NSD2: variants seen among roughly 807,000 people sequenced by gnomAD.
The protein encoded by NSD2 is nuclear receptor binding SET domain protein 2, also known as histone-lysine N-methyltransferase NSD2.
NSD2 carries 12 observed loss-of-function variants against 139.0 expected under a neutral mutation model. The observed-to-expected ratio is 0.09, with a 90% confidence interval of 0.06 to 0.14. NSD2 has a LOEUF of 0.14. NSD2 is among the 10% of genes least tolerant of loss of function. The pLI, the probability that NSD2 is intolerant of heterozygous loss-of-function variation, is 1.00. For synonymous variants in NSD2, 669 were observed against 648.7 expected (o/e 1.03, Z -0.48); for missense variants, 1,155 against 1,745.0 (o/e 0.66, Z 6.02).
intron 15 of NSD2, among the ~76,000 whole-genome samples, chr4:1,957,464 T>C (rs1455234510): frequency 1.3e-5 from 2 of 151,384 alleles, no homozygotes; most frequent in Non-Finnish European, 3.0e-5. Context: ...TTTTTTTTTT[T>C]TTTGTAGAGA....
At chr4:1,877,420 A>T (rs1273202159) in intron 1 of NSD2, among the ~76,000 whole-genome samples, 5 of 152,104 alleles carry the variant, frequency 3.3e-5, no homozygotes. Flanking sequence ...CTCTCACTGC[A>T]CTACTTGTTT....
chr4:1,914,264 C>T (rs1014742259), intron 3 of NSD2, among the ~76,000 whole-genome samples: 2 of 152,106 alleles, frequency 1.3e-5, no homozygotes, highest in African/African-American at 4.8e-5. Flanking sequence ...CTCAAGTATT[C>T]TACCCGCCTT....
chr4:1,896,706 C>A (rs1034187191), intron 1 of NSD2, among the ~76,000 whole-genome samples: 5 of 147,734 alleles, frequency 3.4e-5, no homozygotes, highest in African/African-American at 5.2e-5. Flanking sequence ...TCTTCCATTC[C>A]TCTCCTTCCT....
chr4:1,929,034 A>G (rs968044023), intron 5 of NSD2, among the ~76,000 whole-genome samples: 5 of 151,876 alleles, frequency 3.3e-5, no homozygotes, highest in Non-Finnish European at 7.4e-5. Flanking sequence ...TCAGAGCCAG[A>G]CCCAGAACTG....
At chr4:1,887,299 A>G (rs1436601246) in intron 1 of NSD2, among the ~76,000 whole-genome samples, 7 of 151,978 alleles carry the variant, frequency 4.6e-5, no homozygotes, top group African/African-American at 1.5e-4. Flanking sequence ...CTGTAGTGAG[A>G]ACTGTCATCA....
intron 1 of NSD2, among the ~76,000 whole-genome samples, chr4:1,889,192 C>T (rs1715347067): frequency 6.6e-6 from 1 of 152,064 alleles, no homozygotes; most frequent in East Asian, 1.9e-4. Flanking sequence ...GCCACTGCGC[C>T]CAGTCGTATA....
At chr4:1,932,282 C>CA (rs1395953815) in intron 6 of NSD2, among the ~76,000 whole-genome samples, 2 of 151,050 alleles carry the variant, frequency 1.3e-5, no homozygotes, top group Non-Finnish European at 3.0e-5. Context: ...ACTAAAAATA[C>CA]AAAAAAATTA....
At chr4:1,966,650 CTG>C (rs1218479917) in intron 18 of NSD2, among the ~76,000 whole-genome samples, 1 of 142,236 alleles carries the variant, frequency 7.0e-6, no homozygotes, top group Non-Finnish European at 1.5e-5. Flanking sequence ...GAGCAAGACT[CTG>C]TCTCAAAAAA....
At chr4:1,879,337 G>A (rs1451392863) in intron 1 of NSD2, among the ~76,000 whole-genome samples, 1 of 152,004 alleles carries the variant, frequency 6.6e-6, no homozygotes, top group Non-Finnish European at 1.5e-5. Flanking sequence ...TCCTGCCTCA[G>A]CCTCCCAAGT....
chr4:1,925,762 C>A (rs185646567), intron 5 of NSD2, among the ~76,000 whole-genome samples: 1,533 of 147,766 alleles, frequency 0.01, 28 homozygotes, highest in African/African-American at 0.039. Flanking sequence ...TTTTATATAT[C>A]TATATATATA....
chr4:1,942,047 C>G lies in NSD2; in HGVS notation c.1881+2269C>G. 1.7e-6 allele frequency: 2 copies of G among 1,156,232 alleles called. No individual in the cohort carries two copies. Among genetic ancestry groups the G allele is most frequent in the Non-Finnish European group, 2.1e-6 (2 of 933,856 alleles). The allele number at this position is 1,156,232 out of a possible 1,614,324, so 71.6% of individuals were successfully genotyped here. A position where few individuals can be genotyped will look rare whatever the true frequency, so the allele number is the denominator to read the frequency against. ...TTGCATGTTTGTATTTCCTCCCTTT[C>G]ATCACATTTGTTTGAAATAAGGTAC... On this transcript the variant is annotated intron_variant, in intron 9 of 21. Transcript: ENST00000508803. The surrounding 1 kb of genome is among the most constrained non-coding windows in gnomAD (Gnocchi z 4.0).
chr4:1,942,927 C>G lies in NSD2; in HGVS notation c.1881+3149C>G. On this transcript the variant is annotated intron_variant, in intron 9 of 21. Coordinates refer to ENST00000508803, the MANE Select transcript of NSD2 (RefSeq NM_001042424.3). The surrounding 1 kb of genome is among the most constrained non-coding windows in gnomAD (Gnocchi z 4.0). The stretch of plus-strand genomic sequence containing the variant: ...AGGCAGGAAGAGTTTTGATTCTATC[C>G]TTTTTTACTAAACAGTTTTATTATG... The G allele has an allele frequency of 1.8e-5, 19 of 1,055,504 alleles. No individual in the cohort carries two copies. The highest frequency in any genetic ancestry group is 2.2e-5 in the Non-Finnish European group (19 of 873,318). The allele number at this position is 1,055,504 out of a possible 1,614,324, so 65.4% of individuals were successfully genotyped here.
intron 9 of NSD2, chr4:1,940,265 T>G: frequency 9.3e-7 from 1 of 1,075,262 alleles, no homozygotes; most frequent in Non-Finnish European, 1.1e-6. Context: ...TCTCATGCAT[T>G]TCATGGCTTT....
intron 5 of NSD2, among the ~76,000 whole-genome samples, chr4:1,926,273 G>A (rs1292630656): frequency 1.3e-5 from 2 of 150,546 alleles, no homozygotes; most frequent in Non-Finnish European, 2.9e-5. Flanking sequence ...TCCTGACTCA[G>A]CCTCCCGAGT....
Position 1,951,102 on chromosome 4 carries a change from G to T in NSD2, c.1912G>T (p.Glu638Ter). 6.2e-7 allele frequency: 1 copy of T among 1,614,176 alleles called. No homozygotes were observed. The highest frequency in any genetic ancestry group is 1.1e-5 in the South Asian group (1 of 91,082). Residue 638 changes from glutamate to a stop codon, truncating the protein, a stop_gained, in exon 10 of 22, where the codon GAG (glutamate) becomes TAG (stop). Coordinates refer to ENST00000508803, the MANE Select transcript of NSD2 (RefSeq NM_001042424.3). LOFTEE classifies it high-confidence loss of function. ...VSDSPGDEPS[E>*]SPYESADETQ... ...GGACAGCCCGGGAGACGAGCCCTCG[G>T]AGTCCCCATACGAAAGTGCAGACGA...
chr4:1,960,855 A>G (rs1011690677), intron 17 of NSD2, among the ~76,000 whole-genome samples, 180 bp from the exon 18 acceptor site: 6 of 152,222 alleles, frequency 3.9e-5, no homozygotes, highest in African/African-American at 1.4e-4. Context: ...CAACCTTTAC[A>G]TACAGATATG....
At chr4:1,935,297 G>A (rs1722260787) in intron 7 of NSD2, 35 bp downstream of exon 7, 1 of 1,541,062 alleles carries the variant, frequency 6.5e-7, no homozygotes, top group Non-Finnish European at 9.0e-7. Flanking sequence ...ACCTGTCAGA[G>A]TGTATGCTCT....
At chr4:1,887,142 G>C (rs1210922654) in intron 1 of NSD2, among the ~76,000 whole-genome samples, 1 of 152,186 alleles carries the variant, frequency 6.6e-6, no homozygotes, top group Non-Finnish European at 1.5e-5. Context: ...GGTACTGGCT[G>C]TCAACTGTGA....
At chr4:1,890,821 C>T (rs1715473213) in intron 1 of NSD2, among the ~76,000 whole-genome samples, 1 of 151,858 alleles carries the variant, frequency 6.6e-6, no homozygotes, top group African/African-American at 2.4e-5. Flanking sequence ...TGGTCTCGAA[C>T]TCCTGACCTC....
Sources: gnomAD v4.1 joint callset for allele counts (sites outside exome capture counted in the v4.1 genomes callset) on GRCh38, gnomAD v4.1.1 for gene constraint, Gnocchi (gnomAD v3.1) non-coding constraint, MANE v1.5 for transcripts, NCBI Gene and HGNC (gene_info 2026-07-23, HGNC 2026-07-21) for gene names.